Variants in LAMB4 observed in about 807,000 individuals in gnomAD.
LAMB4 encodes laminin subunit beta 4.
In LAMB4, 196 loss-of-function variants were observed where a neutral mutation model predicts 199.2. The observed-to-expected ratio is 0.98, with a 90% CI of 0.88 to 1.11. LAMB4 has a LOEUF of 1.11. LAMB4 is among the 50% of genes least tolerant of loss of function. The pLI is 0.00. For missense variants in LAMB4, 2,080 were observed against 2,171.2 expected (o/e 0.96, Z 0.83); for synonymous variants, 744 against 770.6 (o/e 0.97, Z 0.57).
At chr7:108,028,993 G>A (rs1191355304) in intron 33 of LAMB4, 50 bp downstream of exon 33, 1 of 1,519,450 alleles carries the variant, frequency 6.6e-7, no homozygotes. Flanking sequence ...GTAAGGTAGA[G>A]TACCATGATG....
intron 16 of LAMB4, 64 bp downstream of exon 16, chr7:108,078,137 A>G (rs1299671258): frequency 2.7e-5 from 29 of 1,080,316 alleles, no homozygotes; most frequent in Non-Finnish European, 3.9e-5. Context: ...CCAGAAACAA[A>G]TTACTGATAA....
chr7:108,062,544 C>T (rs1387029158), intron 23 of LAMB4: 31 of 332,088 alleles, frequency 9.3e-5, no homozygotes, highest in Admixed American at 4.8e-5. Context: ...CTGACTTCCT[C>T]AGTCACAGAG....
chr7:108,033,857 T>A (rs144458343), intron 31 of LAMB4, among the ~76,000 whole-genome samples: 34 of 151,890 alleles, frequency 2.2e-4, no homozygotes, highest in African/African-American at 8.2e-4. Context: ...TTTTAAAAAG[T>A]CTATTCCTTT....
At chr7:108,026,028 T>C (rs1324613569) in intron 33 of LAMB4, among the ~76,000 whole-genome samples, 1 of 152,094 alleles carries the variant, frequency 6.6e-6, no homozygotes, top group Non-Finnish European at 1.5e-5. Flanking sequence ...CGGAGGTGTA[T>C]GCAGTTCTTC....
chr7:108,057,896 G>C lies in LAMB4; in HGVS notation c.3315C>G (p.Tyr1105Ter), dbSNP rs140753851. 7 of 1,613,774 alleles carry C rather than the reference G, an allele frequency of 4.3e-6. No homozygotes were observed. In the East Asian group the frequency reaches 1.6e-4, roughly 36 times the overall value. Residue 1105 changes from tyrosine to a stop codon, truncating the protein, a stop_gained, in exon 24 of 34, where the codon TAC (tyrosine) becomes TAG (stop). Coordinates refer to ENST00000388781, the MANE Select transcript of LAMB4 (RefSeq NM_007356.3). LOFTEE classifies it high-confidence loss of function. ...GGCACTCACTGCAACGTTTCCCGCC[G>C]TAACCTAATTTACACGGACACTGGC... is the stretch of plus-strand genomic sequence containing the variant. ...LTGQCPCKLG[Y>*]GGKRCSECQE...
Position 108,093,839 on chromosome 7 carries a change from G to T in LAMB4, c.1470+1389C>A, listed in dbSNP as rs1218508903. Among the ~76,000 whole-genome samples the T allele has an allele frequency of 2.0e-5, 3 of 152,180 alleles. No individual in the cohort carries two copies. The East Asian group carries it at 5.8e-4, about 29-fold the overall frequency. On this transcript the variant is annotated intron_variant, in intron 12 of 33. Coordinates refer to ENST00000388781, the MANE Select transcript of LAMB4 (RefSeq NM_007356.3). Reference sequence around the variant, plus strand: ...TTTTATGCATGATTTTACTCAAAAAGGTGTCTTTTAGATATTAAACATTGA... The same window carrying T: ...TTTTATGCATGATTTTACTCAAAAATGTGTCTTTTAGATATTAAACATTGA...
rs919117757 is a variant in LAMB4 at position 108,029,095 on chromosome 7, A to G, written c.5094T>C (p.Asp1698=). Residue 1698 remains aspartate, a synonymous_variant, in exon 33 of 34, where the codon GAT becomes GAC. Coordinates refer to ENST00000388781, the MANE Select transcript of LAMB4 (RefSeq NM_007356.3). ...ETLGKVKQLK[D]AAEKLAGDTE... is the part of the protein sequence containing the mutation. The stretch of plus-strand genomic sequence containing the variant: ...TATCTCCAGCCAATTTTTCTGCCGC[A>G]TCTTTTAGCTGTTTAACTTTTCCTA... The G allele has an allele frequency of 6.2e-6, 10 of 1,614,030 alleles. No homozygotes were observed. Among genetic ancestry groups the G allele is most frequent in the Non-Finnish European group, 8.5e-6 (10 of 1,179,970 alleles).
At chr7:108,095,198 A>G in intron 12 of LAMB4, 30 bp downstream of exon 12, 3 of 1,511,758 alleles carry the variant, frequency 2.0e-6, no homozygotes, top group Non-Finnish European at 2.8e-6. Flanking sequence ...GTATCACTAT[A>G]GAAAAGGGAA....
chr7:108,070,729 G>C (rs146411938), intron 17 of LAMB4, among the ~76,000 whole-genome samples: 24 of 152,242 alleles, frequency 1.6e-4, no homozygotes, highest in African/African-American at 4.6e-4. Flanking sequence ...AGTCAACAGT[G>C]GGTGATTAGT....
In LAMB4 at chr7:108,103,094, A is replaced by C; in HGVS notation, c.1130T>G (p.Leu377Arg). The C allele has an allele frequency of 1.9e-6, 3 of 1,612,866 alleles. No homozygotes were observed. Among genetic ancestry groups the C allele is most frequent in the Non-Finnish European group, 2.5e-6 (3 of 1,179,056 alleles). ...EGQHCDRCRP[L>R]FYRDPLKTIS... Reference sequence around the variant, plus strand: ...GGTCTTGAGCGGGTCCCTGTAGAAGAGGGGTCTGCAGCGGTCGCAGTGCTG... The same window carrying C: ...GGTCTTGAGCGGGTCCCTGTAGAAGCGGGGTCTGCAGCGGTCGCAGTGCTG... Residue 377 changes from leucine (L) to arginine (R), a missense_variant, in exon 10 of 34, where the codon CTC becomes CGC. Coordinates refer to ENST00000388781, the MANE Select transcript of LAMB4 (RefSeq NM_007356.3).
chr7:108,091,978 C>A (rs769589549), intron 13 of LAMB4, among the ~76,000 whole-genome samples: 10 of 152,138 alleles, frequency 6.6e-5, no homozygotes, highest in Non-Finnish European at 1.5e-4. Flanking sequence ...GGAGCCCAGG[C>A]GGCCACTTTC....
chr7:108,039,796 G>A (rs2035358224), intron 29 of LAMB4, among the ~76,000 whole-genome samples: 1 of 152,066 alleles, frequency 6.6e-6, no homozygotes, highest in African/African-American at 2.4e-5. Flanking sequence ...AATTAAAAAA[G>A]TTCTAGTACA....
At chr7:108,035,004 A>G (rs942716845) in intron 30 of LAMB4, among the ~76,000 whole-genome samples, 2 of 152,200 alleles carry the variant, frequency 1.3e-5, no homozygotes, top group East Asian at 3.8e-4. Flanking sequence ...GCATCATTAG[A>G]AATGAGTGTG....
At chr7:108,084,035 T>A (rs1346972994) in intron 14 of LAMB4, among the ~76,000 whole-genome samples, 1 of 152,226 alleles carries the variant, frequency 6.6e-6, no homozygotes, top group Admixed American at 6.5e-5. Flanking sequence ...GGTGATCCAC[T>A]GGGGCACATT....
At position 108,043,839 on chromosome 7, in the gene LAMB4, C is replaced by T; in HGVS notation, c.4384G>A (p.Glu1462Lys). 2 of 1,609,316 alleles carry T rather than the reference C, an allele frequency of 1.2e-6. No individual in the cohort carries two copies. Among genetic ancestry groups the T allele is most frequent in the Non-Finnish European group, 1.7e-6 (2 of 1,177,864 alleles). The change falls in exon 29 of 34, where the codon GAA becomes AAA. Residue 1462 changes from glutamate (E) to lysine (K), a missense_variant. Glu to Lys is a moderately conservative substitution (Grantham distance 56). Coordinates refer to ENST00000388781, the MANE Select transcript of LAMB4 (RefSeq NM_007356.3). ...VSKNNALQLR[E>K]KLGNIRNQSD... ...TGGTTTCTTATATTTCCCAGTTTTTCCCTCAGCTGTAAGGCATTGTTTTTG... is the reference window on the plus strand; with the variant it reads ...TGGTTTCTTATATTTCCCAGTTTTTTCCTCAGCTGTAAGGCATTGTTTTTG...
chr7:108,042,191 G>A (rs1239604509), intron 29 of LAMB4, among the ~76,000 whole-genome samples: 2 of 152,066 alleles, frequency 1.3e-5, no homozygotes, highest in African/African-American at 4.8e-5. Flanking sequence ...AAGCTTCCTG[G>A]TCACCAGGGC....
chr7:108,126,554 C>CTTTTTTT (rs71137605), intron 1 of LAMB4, among the ~76,000 whole-genome samples: 9,186 of 83,396 alleles, frequency 0.11, 2,020 homozygotes, highest in African/African-American at 0.19. Context: ...GAATTTCTTT[C>CTTTTTTT]TTTTTTTTTT....
chr7:108,023,927 G>T lies in LAMB4; in HGVS notation c.*112C>A. 1.2e-6 allele frequency: 1 copy of T among 867,294 alleles called. No homozygotes were observed. The highest frequency in any genetic ancestry group is 1.7e-6 in the Non-Finnish European group (1 of 593,474). The allele number at this position is 867,294 out of a possible 1,614,324, so 53.7% of individuals were successfully genotyped here. A position where few individuals can be genotyped will look rare whatever the true frequency, so the allele number is the denominator to read the frequency against. On this transcript the variant is annotated 3_prime_UTR_variant, in exon 34 of 34. Transcript: ENST00000388781. ...CAGGTGTCTAATAAGGACAGGGTGT[G>T]GGGAAGGAAGGTAGAAGACATTGTC...
chr7:108,119,749 C>T (rs1032346393), intron 2 of LAMB4, among the ~76,000 whole-genome samples: 76 of 152,176 alleles, frequency 5.0e-4, no homozygotes, highest in Non-Finnish European at 6.9e-4. Context: ...CTCAAATACA[C>T]GCACACATGA....
Sources: allele counts gnomAD v4.1 joint callset (sites outside exome capture counted in the v4.1 genomes callset), GRCh38; gene constraint gnomAD v4.1.1; transcripts MANE v1.5; gene names NCBI Gene and HGNC (gene_info 2026-07-23, HGNC 2026-07-21).